Variants in SP110 observed in about 807,000 individuals in gnomAD.
The protein encoded by SP110 is SP110 nuclear body protein.
SP110 carries 62 observed loss-of-function variants against 92.7 expected under a neutral mutation model. The observed-to-expected ratio is 0.67, with a 90% confidence interval of 0.55 to 0.83. SP110 has a LOEUF of 0.83. Among genes scored for constraint, SP110 ranks in the 40% least tolerant of loss-of-function variants. SP110 has a pLI of 0.00. For missense variants in SP110, 793 were observed against 863.9 expected, an observed-to-expected ratio of 0.92 and a Z score of 1.03; for synonymous variants, 273 against 305.3, an observed-to-expected ratio of 0.89 and a Z score of 1.10.
In SP110 at chr2:230,211,463, A is replaced by G; in HGVS notation, c.751+7T>C. On this transcript the variant is annotated splice_region_variant and intron_variant, in intron 6 of 18. Transcript: ENST00000258381. The surrounding 1 kb of genome is among the most constrained non-coding windows in gnomAD (Gnocchi z 4.2). ...GCAAGCTTTTAGGTTGACCAAACCAAGATTACCTGGCATAGAGCCCAAGGG... is the reference window on the plus strand; with the variant it reads ...GCAAGCTTTTAGGTTGACCAAACCAGGATTACCTGGCATAGAGCCCAAGGG... 1 of 1,570,054 alleles carries G rather than the reference A, an allele frequency of 6.4e-7. No homozygotes were observed. Among genetic ancestry groups the G allele is most frequent in the Non-Finnish European group, 8.8e-7 (1 of 1,139,808 alleles).
chr2:230,222,430 C>A (rs1361740429), upstream of SP110, among the ~76,000 whole-genome samples: 4 of 152,064 alleles, frequency 2.6e-5, no homozygotes, highest in African/African-American at 7.2e-5. Flanking sequence ...AGATGTAGAC[C>A]ATTTCTAGGC....
chr2:230,199,005 T>TGCCACATGCTGAGGATGATGGA (rs1216226610), intron 10 of SP110, among the ~76,000 whole-genome samples: 12 of 151,910 alleles, frequency 7.9e-5, no homozygotes, highest in Admixed American at 2.6e-4. Flanking sequence ...ATAAAGGGGA[T>TGCCACATGCTGAGGATGATGGA]GCCACATGCT....
chr2:230,208,182 AG>A (rs1486063800), intron 7 of SP110, 123 bp from the exon 8 acceptor site: 1 of 659,608 alleles, frequency 1.5e-6, no homozygotes, highest in East Asian at 2.7e-5. Context: ...TGGTGACCTT[AG>A]GTGATGGTAC....
intron 2 of SP110, among the ~76,000 whole-genome samples, chr2:230,215,325 A>C (rs2044997037): frequency 6.6e-6 from 1 of 152,196 alleles, no homozygotes; most frequent in South Asian, 2.1e-4. Flanking sequence ...GATGACTAGC[A>C]ACAAAAATAA....
chr2:230,169,615 G>A (rs778943542), intron 18 of SP110, among the ~76,000 whole-genome samples: 13 of 152,088 alleles, frequency 8.5e-5, no homozygotes, highest in Non-Finnish European at 1.9e-4. Context: ...GAGTCACCAT[G>A]CCCAGCCTCA....
intron 17 of SP110, chr2:230,170,997 G>A: frequency 1.7e-6 from 1 of 587,152 alleles, no homozygotes; most frequent in Non-Finnish European, 3.0e-6. Flanking sequence ...CATAGATGAG[G>A]AAACCGAGGG....
rs1416643962 is a variant in SP110, at chr2:230,211,206, G to C, written c.751+264C>G. On this transcript the variant is annotated intron_variant, in intron 6 of 18. Coordinates refer to ENST00000258381, the MANE Select transcript of SP110 (RefSeq NM_080424.4). The surrounding 1 kb of genome is among the most constrained non-coding windows in gnomAD (Gnocchi z 4.2). ...AGTCCAAACCTACAGGCACTGGTGG[G>C]GCTCTGTCCATCATCATCCGTGGCC... is the stretch of plus-strand genomic sequence containing the variant. Among the ~76,000 whole-genome samples, 1 of 152,086 alleles carries C rather than the reference G, an allele frequency of 6.6e-6. No homozygotes were observed. The highest frequency in any genetic ancestry group is 1.5e-5 in the Non-Finnish European group (1 of 68,014).
At position 230,172,968 on chromosome 2, in the gene SP110, G is replaced by A. The variant is rs202101309; in HGVS notation, c.1591-9C>T. 8.6e-4 allele frequency: 1,365 copies of A among 1,592,436 alleles called. 3 individuals carry two copies. Among genetic ancestry groups the A allele is most frequent in the Non-Finnish European group, 1.0e-3 (1,204 of 1,160,368 alleles). On this transcript the variant is annotated splice_polypyrimidine_tract_variant and intron_variant, in intron 14 of 18. Coordinates refer to ENST00000258381, the MANE Select transcript of SP110 (RefSeq NM_080424.4). Reference sequence around the variant, plus strand: ...TCATCCGAGTTTTTCCGCTGCAAGGGCAGATAACGTGGGCACCGCTAGGAC... The same window carrying A: ...TCATCCGAGTTTTTCCGCTGCAAGGACAGATAACGTGGGCACCGCTAGGAC...
At chr2:230,179,777 A>G (rs1330953105) in intron 12 of SP110, among the ~76,000 whole-genome samples, 2 of 151,814 alleles carry the variant, frequency 1.3e-5, no homozygotes, top group East Asian at 1.9e-4. Flanking sequence ...AATGTCCCAA[A>G]CACATTCACA....
chr2:230,189,758 T>C (rs1302886181), intron 10 of SP110, among the ~76,000 whole-genome samples: 1 of 152,174 alleles, frequency 6.6e-6, no homozygotes, highest in Non-Finnish European at 1.5e-5. Flanking sequence ...GTGTTCTCAA[T>C]GATCAACTCC....
At position 230,211,433 on chromosome 2, in the gene SP110, C is replaced by T; in HGVS notation, c.751+37G>A. 1 of 1,320,078 alleles carries T rather than the reference C, an allele frequency of 7.6e-7. No homozygotes were observed. The allele number at this position is 1,320,078 out of a possible 1,614,324, so 81.8% of individuals were successfully genotyped here. A position where few individuals can be genotyped will look rare whatever the true frequency, so the allele number is the denominator to read the frequency against. On this transcript the variant is annotated intron_variant, in intron 6 of 18. Transcript: ENST00000258381. The surrounding 1 kb of genome is among the most constrained non-coding windows in gnomAD (Gnocchi z 4.2). ...CTTTTCCTCTTAGTAAACACAGAAACAAAGGCAAGCTTTTAGGTTGACCAA... is the reference window on the plus strand; with the variant it reads ...CTTTTCCTCTTAGTAAACACAGAAATAAAGGCAAGCTTTTAGGTTGACCAA...
At chr2:230,215,213 A>G in intron 2 of SP110, 95 bp from the exon 3 acceptor site, 1 of 989,658 alleles carries the variant, frequency 1.0e-6, no homozygotes, top group Non-Finnish European at 1.6e-6. Context: ...AAGCTACCTT[A>G]CTCTTTTAAG....
intron 10 of SP110, among the ~76,000 whole-genome samples, chr2:230,199,683 A>C (rs1417629165): frequency 6.6e-6 from 1 of 152,220 alleles, no homozygotes; most frequent in Non-Finnish European, 1.5e-5. Flanking sequence ...TCCACACCAC[A>C]GAGACCAAAT....
chr2:230,174,412 T>C (rs2041756951), intron 14 of SP110, among the ~76,000 whole-genome samples: 1 of 152,242 alleles, frequency 6.6e-6, no homozygotes, highest in Admixed American at 6.5e-5. Flanking sequence ...CAAAAGGTTC[T>C]AGAATCTGTC....
chr2:230,221,350 A>G (rs1336907071), upstream of SP110, among the ~76,000 whole-genome samples: 1 of 152,048 alleles, frequency 6.6e-6, no homozygotes, highest in East Asian at 1.9e-4. Context: ...TATTTGACCC[A>G]CAAGTTCCCC....
upstream of SP110, chr2:230,221,704 C>G (rs2045836860): frequency 6.5e-7 from 1 of 1,535,878 alleles, no homozygotes; most frequent in Non-Finnish European, 8.7e-7. Context: ...ATGTCACTTA[C>G]CTGAAGCCCC....
At chr2:230,186,386 T>G (rs962193005) in intron 10 of SP110, among the ~76,000 whole-genome samples, 8 of 152,208 alleles carry the variant, frequency 5.3e-5, no homozygotes, top group Non-Finnish European at 1.2e-4. Flanking sequence ...GTGTCTGTCT[T>G]GCTCACTGCT....
At chr2:230,169,431 C>T (rs183738425) in intron 18 of SP110, among the ~76,000 whole-genome samples, 194 bp from the exon 19 acceptor site, 1 of 152,312 alleles carries the variant, frequency 6.6e-6, no homozygotes, top group Non-Finnish European at 1.5e-5. Context: ...ACCTCAGCTC[C>T]TGAGAAGCTG....
At chr2:230,209,046 C>T (rs569135112) in intron 7 of SP110, among the ~76,000 whole-genome samples, 1 of 152,230 alleles carries the variant, frequency 6.6e-6, no homozygotes, top group Admixed American at 6.5e-5. Flanking sequence ...AATAAATAAG[C>T]ACAGAAAAAT....
Sources: allele counts gnomAD v4.1 joint callset (sites outside exome capture counted in the v4.1 genomes callset), GRCh38; gene constraint gnomAD v4.1.1; non-coding constraint Gnocchi (gnomAD v3.1); transcripts MANE v1.5; gene names NCBI Gene and HGNC (gene_info 2026-07-23, HGNC 2026-07-21).